CHRM3: variants seen among roughly 807,000 people sequenced by gnomAD.
CHRM3 encodes cholinergic receptor muscarinic 3.
A neutral mutation model predicts 41.8 loss-of-function variants in CHRM3; 11 were observed. The ratio of observed to expected loss-of-function variants is 0.26; its 90% CI spans 0.17 to 0.44. The LOEUF is 0.44. CHRM3 is among the 20% of genes least tolerant of loss of function. The probability of loss-of-function intolerance (pLI) is 1.00; values close to 1 mark genes in which losing one functional copy is unlikely to be tolerated. For synonymous variants in CHRM3, 297 were observed against 301.4 expected (o/e 0.99, Z 0.15); for missense variants, 571 against 745.4 (o/e 0.77, Z 2.72).
intron 5 of CHRM3, among the ~76,000 whole-genome samples, chr1:239,782,242 G>GC (rs58042349): frequency 0.84 from 128,170 of 151,950 alleles, 54,230 homozygotes; most frequent in East Asian, 0.87. Flanking sequence ...TGGGACTAGT[G>GC]TTTCCATTTT....
chr1:239,431,371 G>A (rs529265188), intron 1 of CHRM3, among the ~76,000 whole-genome samples: 4 of 152,234 alleles, frequency 2.6e-5, no homozygotes, highest in African/African-American at 4.8e-5. Flanking sequence ...CTATAAAATA[G>A]CAATTAAAAT....
intron 5 of CHRM3, among the ~76,000 whole-genome samples, chr1:239,731,456 A>G (rs1024446357): frequency 4.6e-5 from 7 of 152,056 alleles, no homozygotes; most frequent in Non-Finnish European, 8.8e-5. Context: ...ATTCCAGTTG[A>G]TGATCTGTTC....
Position 239,909,649 on chromosome 1 carries a change from A to G in CHRM3, c.*425A>G, listed in dbSNP as rs1680246928. The G allele has an allele frequency of 5.7e-6, 1 of 175,082 alleles. No individual in the cohort carries two copies. The highest frequency in any genetic ancestry group is 1.4e-5 in the Non-Finnish European group (1 of 73,420). The allele number at this position is 175,082 out of a possible 1,614,324, so 10.8% of individuals were successfully genotyped here. ...AAGTGGGAATCCAGACCCCAAGTGGAACACTGCAGGCTTACGAATCTGTGG... is the reference window on the plus strand; with the variant it reads ...AAGTGGGAATCCAGACCCCAAGTGGGACACTGCAGGCTTACGAATCTGTGG... On this transcript the variant is annotated 3_prime_UTR_variant, in exon 7 of 7. Transcript: ENST00000676153.
chr1:239,598,951 A>G (rs1042452159), intron 3 of CHRM3, among the ~76,000 whole-genome samples: 1 of 149,442 alleles, frequency 6.7e-6, no homozygotes, highest in African/African-American at 2.5e-5. Flanking sequence ...CCACTCACTC[A>G]TGTTTTGGCC....
At chr1:239,902,152 T>G (rs1293306853) in intron 6 of CHRM3, among the ~76,000 whole-genome samples, 1 of 152,138 alleles carries the variant, frequency 6.6e-6, no homozygotes, top group South Asian at 2.1e-4. Context: ...CTGGTTTCTT[T>G]CTCCCTGTGT....
chr1:239,473,313 C>T (rs12726611), intron 1 of CHRM3, among the ~76,000 whole-genome samples: 6,289 of 139,062 alleles, frequency 0.045, 182 homozygotes, highest in Middle Eastern at 0.08. Flanking sequence ...AAGTCAGAGA[C>T]TGGGGAAATT....
intron 5 of CHRM3, among the ~76,000 whole-genome samples, chr1:239,803,308 C>T (rs1458822093): frequency 6.6e-6 from 1 of 152,150 alleles, no homozygotes; most frequent in African/African-American, 2.4e-5. Context: ...GACCACTTTC[C>T]TTAGAGCACA....
chr1:239,388,876 T>C (rs538277743), intron 1 of CHRM3, among the ~76,000 whole-genome samples: 1 of 152,364 alleles, frequency 6.6e-6, no homozygotes, highest in East Asian at 1.9e-4. Flanking sequence ...CTCAATTAGC[T>C]TAATACATAA....
At chr1:239,461,587 T>C (rs558996242) in intron 1 of CHRM3, among the ~76,000 whole-genome samples, 13 of 152,260 alleles carry the variant, frequency 8.5e-5, no homozygotes, top group African/African-American at 3.1e-4. Flanking sequence ...TGTGCTTATG[T>C]GCGTGCCTCC....
intron 1 of CHRM3, among the ~76,000 whole-genome samples, chr1:239,460,295 C>G (rs982323953): frequency 5.3e-5 from 8 of 152,134 alleles, no homozygotes; most frequent in Admixed American, 4.6e-4. Context: ...TGAGTATGGG[C>G]TTCCACTCCT....
intron 5 of CHRM3, among the ~76,000 whole-genome samples, chr1:239,762,597 TC>T (rs1054650609): frequency 9.2e-5 from 14 of 152,302 alleles, no homozygotes; most frequent in Non-Finnish European, 2.1e-4. Context: ...CACTCTGCTT[TC>T]TCCCCTGTAG....
chr1:239,566,452 T>C (rs1189546542), intron 3 of CHRM3, among the ~76,000 whole-genome samples: 1 of 152,198 alleles, frequency 6.6e-6, no homozygotes, highest in Non-Finnish European at 1.5e-5. Flanking sequence ...TTATACCTGC[T>C]AATGGAAAGG....
intron 1 of CHRM3, among the ~76,000 whole-genome samples, chr1:239,488,214 C>T (rs1667313601): frequency 6.6e-6 from 1 of 152,176 alleles, no homozygotes; most frequent in African/African-American, 2.4e-5. Flanking sequence ...AATCTACCAA[C>T]ATACATACAT....
At chr1:239,636,149 A>G (rs1050042271) in intron 4 of CHRM3, among the ~76,000 whole-genome samples, 2 of 152,268 alleles carry the variant, frequency 1.3e-5, no homozygotes, top group Admixed American at 1.3e-4. Context: ...TTATTGGCTA[A>G]ACCTGGCGCA....
At chr1:239,890,690 T>C (rs1435147911) in intron 6 of CHRM3, among the ~76,000 whole-genome samples, 1 of 152,198 alleles carries the variant, frequency 6.6e-6, no homozygotes, top group African/African-American at 2.4e-5. Flanking sequence ...TCATAGCATG[T>C]TGTATATGCT....
intron 6 of CHRM3, among the ~76,000 whole-genome samples, chr1:239,833,174 A>G (rs1673033652): frequency 6.6e-6 from 1 of 152,204 alleles, no homozygotes; most frequent in South Asian, 2.1e-4. Flanking sequence ...TGTTGTAAGT[A>G]TGGGCCAGGC....
At chr1:239,613,708 C>G (rs371700847) in intron 3 of CHRM3, among the ~76,000 whole-genome samples, 1 of 152,190 alleles carries the variant, frequency 6.6e-6, no homozygotes, top group Admixed American at 6.5e-5. Context: ...GCAGTCTTCC[C>G]TCTGCATGTG....
intron 1 of CHRM3, among the ~76,000 whole-genome samples, chr1:239,452,843 C>A (rs1273315309): frequency 2.6e-5 from 4 of 152,108 alleles, no homozygotes; most frequent in African/African-American, 9.7e-5. Context: ...CTCTGTCACC[C>A]AGGCTGGAGT....
chr1:239,492,671 T>G (rs1278548609), intron 1 of CHRM3, 38 bp from the exon 2 acceptor site: 1 of 152,224 alleles, frequency 6.6e-6, no homozygotes, highest in Non-Finnish European at 1.5e-5. Context: ...TAACCTTGCA[T>G]GCTCTGCTGA....
Sources: gnomAD v4.1 joint callset for allele counts (sites outside exome capture counted in the v4.1 genomes callset) on GRCh38, gnomAD v4.1.1 for gene constraint, MANE v1.5 for transcripts, NCBI Gene and HGNC (gene_info 2026-07-23, HGNC 2026-07-21) for gene names.